TTC28: variants seen among roughly 807,000 people sequenced by gnomAD.
TTC28 encodes tetratricopeptide repeat protein 28.
Under a neutral mutation model 198.0 loss-of-function variants are expected in TTC28, and 61 were observed. That is an observed-to-expected ratio of 0.31 (90% confidence interval 0.25 to 0.38). TTC28 has a LOEUF of 0.38. Ranked by LOEUF, TTC28 falls within the 10% of genes least tolerant of loss-of-function variation. The pLI is 1.00. For missense variants in TTC28, 2,678 were observed against 3,164.0 expected (o/e 0.85, Z 3.69); for synonymous variants, 1,171 against 1,297.8 (o/e 0.90, Z 2.10).
At chr22:28,530,726 C>T (rs2145897058) in intron 2 of TTC28, among the ~76,000 whole-genome samples, 1 of 152,286 alleles carries the variant, frequency 6.6e-6, no homozygotes, top group East Asian at 1.9e-4. Context: ...AGAAACTCTA[C>T]AAGCCAGAAG....
intron 2 of TTC28, among the ~76,000 whole-genome samples, chr22:28,372,531 CTT>C (rs11309698): frequency 0.68 from 98,648 of 145,692 alleles, 33,787 homozygotes; most frequent in African/African-American, 0.81. Flanking sequence ...ATAGTTTATC[CTT>C]TTTTTTTTTT....
chr22:28,377,004 A>C (rs568836428), intron 2 of TTC28, among the ~76,000 whole-genome samples: 1 of 152,184 alleles, frequency 6.6e-6, no homozygotes, highest in African/African-American at 2.4e-5. Flanking sequence ...AATAAATTCT[A>C]AAGTAAAAAC....
At chr22:28,401,558 T>C (rs2046909447) in intron 2 of TTC28, among the ~76,000 whole-genome samples, 1 of 152,006 alleles carries the variant, frequency 6.6e-6, no homozygotes. Flanking sequence ...GAAGTTGCAG[T>C]GAGCTGAGAT....
chr22:28,157,630 T>C (rs775360663), intron 6 of TTC28, among the ~76,000 whole-genome samples: 2 of 152,142 alleles, frequency 1.3e-5, no homozygotes, highest in Admixed American at 1.3e-4. Context: ...GTTCAATAAA[T>C]ACAAATCAAT....
intron 1 of TTC28, among the ~76,000 whole-genome samples, chr22:28,678,389 G>A (rs1289326265): frequency 6.6e-6 from 1 of 152,150 alleles, no homozygotes. Flanking sequence ...TAATTTTTGC[G>A]GAGACGAACG....
chr22:28,386,797 T>A lies in TTC28; in HGVS notation c.382-80154A>T, dbSNP rs117267209. ...CATTTTTAAACTTTCATCATTTAAC[T>A]TTAGCTTTCTTATAGTTTTTTTTTG... On this transcript the variant is annotated intron_variant, in intron 2 of 22. Transcript: ENST00000397906. Among the ~76,000 whole-genome samples, 982 of 152,300 alleles carry A rather than the reference T, an allele frequency of 6.4e-3. 30 individuals are homozygous for A. The East Asian group carries it at 0.083, about 13-fold the overall frequency.
chr22:28,280,807 T>A (rs767020529), intron 5 of TTC28, among the ~76,000 whole-genome samples: 1 of 152,320 alleles, frequency 6.6e-6, no homozygotes, highest in South Asian at 2.1e-4. Flanking sequence ...GGTTTTCCCT[T>A]ATTTTTAATT....
intron 14 of TTC28, among the ~76,000 whole-genome samples, chr22:28,012,047 C>T (rs916367299): frequency 3.9e-5 from 6 of 152,086 alleles, no homozygotes; most frequent in South Asian, 2.1e-4. Flanking sequence ...TTCAGAGGAG[C>T]GGGGATCCCT....
At position 28,005,961 on chromosome 22, in the gene TTC28, T is replaced by C. The variant is rs991906702; in HGVS notation, c.4219-4408A>G. Among the ~76,000 whole-genome samples, 1 of 152,204 alleles carries C rather than the reference T, an allele frequency of 6.6e-6. No homozygotes were observed. Among genetic ancestry groups the C allele is most frequent in the African/African-American group, 2.4e-5 (1 of 41,442 alleles). ...ACAGTTATTTGCCTATCATGGGTAATAGTTCTCAATACTAAACATCCGTGG... is the reference window on the plus strand; with the variant it reads ...ACAGTTATTTGCCTATCATGGGTAACAGTTCTCAATACTAAACATCCGTGG... On this transcript the variant is annotated intron_variant, in intron 14 of 22. Transcript: ENST00000397906. This position sits in a 1 kb window ranked among gnomAD's most constrained non-coding sequence, Gnocchi z 4.9.
chr22:28,619,773 A>G (rs751840648), intron 2 of TTC28, among the ~76,000 whole-genome samples: 1 of 152,232 alleles, frequency 6.6e-6, no homozygotes, highest in Non-Finnish European at 1.5e-5. Flanking sequence ...TCCCTATCAG[A>G]GCAACATAAA....
intron 5 of TTC28, among the ~76,000 whole-genome samples, chr22:28,276,932 C>T (rs1045184721): frequency 6.6e-6 from 1 of 152,030 alleles, no homozygotes; most frequent in Non-Finnish European, 1.5e-5. Flanking sequence ...TTTTATTCAT[C>T]CTGTAATCAT....
At chr22:28,475,553 C>T (rs772277935) in intron 2 of TTC28, among the ~76,000 whole-genome samples, 4 of 152,176 alleles carry the variant, frequency 2.6e-5, no homozygotes, top group Admixed American at 2.0e-4. Flanking sequence ...CTCAAGGATG[C>T]ACTTTACTGC....
chr22:28,036,732 TG>T (rs1179634566), intron 12 of TTC28, among the ~76,000 whole-genome samples: 1 of 152,124 alleles, frequency 6.6e-6, no homozygotes, highest in Non-Finnish European at 1.5e-5. Context: ...ATCCAGGAGC[TG>T]GTTTTTTGGA....
At chr22:28,330,070 A>G (rs2045591782) in intron 2 of TTC28, among the ~76,000 whole-genome samples, 1 of 152,208 alleles carries the variant, frequency 6.6e-6, no homozygotes, top group Admixed American at 6.6e-5. Flanking sequence ...TATGACAGCA[A>G]TTCCAAAAAC....
intron 5 of TTC28, among the ~76,000 whole-genome samples, chr22:28,229,600 C>T (rs1319869992): frequency 6.6e-6 from 1 of 152,120 alleles, no homozygotes; most frequent in Non-Finnish European, 1.5e-5. Context: ...CAAGGGAGGT[C>T]CTCAAAACAA....
rs115600230 is a variant in TTC28, at chr22:28,654,216, T to A, written c.103-24386A>T. Among the ~76,000 whole-genome samples the A allele has an allele frequency of 2.3e-3, 347 of 152,346 alleles. 2 individuals are homozygous for A. The highest frequency in any genetic ancestry group is 8.1e-3 in the African/African-American group (338 of 41,576). On this transcript the variant is annotated intron_variant, in intron 1 of 22. Transcript: ENST00000397906. ...TGAGGGCTAAAAGGCAGCAATCTAA[T>A]AAGTCCTTAATTAAGGACTATGTAC...
In TTC28 at chr22:28,297,862, A is replaced by C; in HGVS notation, c.530-10T>G. 1 of 1,550,046 alleles carries C rather than the reference A, an allele frequency of 6.5e-7. No individual in the cohort carries two copies. The highest frequency in any genetic ancestry group is 8.7e-7 in the Non-Finnish European group (1 of 1,146,304). On this transcript the variant is annotated splice_polypyrimidine_tract_variant and intron_variant, in intron 3 of 22. Transcript: ENST00000397906. ...GTGGGCTCGAGGGAGTCTGAAAATA[A>C]ACAACAATAACAGCAACATAACAGG...
chr22:28,367,070 G>T (rs2046259695), intron 2 of TTC28, among the ~76,000 whole-genome samples: 2 of 151,992 alleles, frequency 1.3e-5, no homozygotes, highest in Admixed American at 1.3e-4. Flanking sequence ...GACCTAATCT[G>T]CCCTATAGAA....
chr22:28,070,328 G>A (rs1940918753), intron 12 of TTC28, among the ~76,000 whole-genome samples: 2 of 152,028 alleles, frequency 1.3e-5, no homozygotes, highest in African/African-American at 4.8e-5. Flanking sequence ...TGTGATTAGG[G>A]ACAGCCAAAA....
Sources: allele counts gnomAD v4.1 joint callset (sites outside exome capture counted in the v4.1 genomes callset), GRCh38; gene constraint gnomAD v4.1.1; non-coding constraint Gnocchi (gnomAD v3.1); transcripts MANE v1.5; gene names NCBI Gene and HGNC (gene_info 2026-07-23, HGNC 2026-07-21).